PDZD7: variants seen among roughly 807,000 people sequenced by gnomAD.
PDZD7 encodes the protein PDZ domain-containing protein 7.
In PDZD7, 72 loss-of-function variants were observed where a neutral mutation model predicts 84.7. The observed-to-expected ratio is 0.85, with a 90% CI of 0.70 to 1.03. The LOEUF (loss-of-function observed/expected upper bound fraction) is 1.03. PDZD7 is among the 50% of genes least tolerant of loss of function. The pLI, the probability that PDZD7 is intolerant of heterozygous loss-of-function variation, is 0.00. For synonymous variants in PDZD7, 594 were observed against 580.7 expected (o/e 1.02, Z -0.33); for missense variants, 1,490 against 1,412.9 (o/e 1.05, Z -0.87).
rs908076975 is a variant in PDZD7 at position 101,020,395 on chromosome 10, C to T, written c.928+223G>A. Among the ~76,000 whole-genome samples, 4 of 152,212 alleles carry T rather than the reference C, an allele frequency of 2.6e-5. No homozygotes were observed. In the East Asian group the frequency reaches 5.8e-4, roughly 22 times the overall value. On this transcript the variant is annotated intron_variant, in intron 7 of 16. Transcript: ENST00000619208. ...TGCTGGGATTATAGGCGTGAGCCAT[C>T]GCGGCCGGCTTAAATTATTATTTGT...
intron 2 of PDZD7, 71 bp downstream of exon 2, chr10:101,029,923 C>T: frequency 1.3e-6 from 2 of 1,491,968 alleles, no homozygotes; most frequent in Admixed American, 1.7e-5. Flanking sequence ...TCTGCCTCCT[C>T]CTGCTGAGTT....
rs1286104512 is a variant in PDZD7 at position 101,008,169 on chromosome 10, C to A, written c.*298G>T. 2.2e-6 allele frequency: 1 copy of A among 453,404 alleles called. No individual in the cohort carries two copies. The highest frequency in any genetic ancestry group is 3.3e-5 in the East Asian group (1 of 30,384). The allele number at this position is 453,404 out of a possible 1,614,324, so 28.1% of individuals were successfully genotyped here. ...ATAAGGGACAGCATGTGAGAAAGTG[C>A]CCACCAATCCCAAGCTCCAGACCTT... On this transcript the variant is annotated 3_prime_UTR_variant, in exon 17 of 17. Transcript: ENST00000619208.
At chr10:101,030,652 A>T in intron 1 of PDZD7, 1 of 342,996 alleles carries the variant, frequency 2.9e-6, no homozygotes, top group Non-Finnish European at 5.7e-6. Context: ...GTAGAGGTTG[A>T]GAGTGGAGTT....
At chr10:101,008,871 C>T (rs1425980211) in intron 16 of PDZD7, 21 bp from the exon 17 acceptor site, 1 of 1,469,990 alleles carries the variant, frequency 6.8e-7, no homozygotes, top group South Asian at 1.4e-5. Context: ...GTGAGAGAGT[C>T]ACATCCCTCC....
intron 11 of PDZD7, 34 bp from the exon 12 acceptor site, chr10:101,012,292 TG>T: frequency 6.6e-7 from 1 of 1,515,244 alleles, no homozygotes. Context: ...CAGACAGCAG[TG>T]GGGGCTTCCA....
chr10:101,014,301 G>A (rs534381463), intron 11 of PDZD7, among the ~76,000 whole-genome samples: 4 of 152,166 alleles, frequency 2.6e-5, no homozygotes, highest in Admixed American at 6.5e-5. Context: ...GGGCTCCATC[G>A]CAGAGGGTCT....
intron 6 of PDZD7, 82 bp from the exon 7 acceptor site, chr10:101,020,760 G>A (rs1227786522): frequency 9.1e-6 from 9 of 990,088 alleles, no homozygotes; most frequent in South Asian, 6.5e-5. Context: ...TGACAGGATG[G>A]GAGTAAACTT....
Position 101,021,931 on chromosome 10 carries a change from C to A in PDZD7, c.734G>T (p.Gly245Val). 1 of 1,614,172 alleles carries A rather than the reference C, an allele frequency of 6.2e-7. No individual in the cohort carries two copies. The highest frequency in any genetic ancestry group is 1.1e-5 in the South Asian group (1 of 91,076). ...CTTGATGCCATTCTCCTCGGCCAGC[C>A]CACCATGGTCCACTCTGAGGCCAGA... The part of the protein sequence containing the change: ...GIYVSKVDHG[G>V]LAEENGIKVG... The change falls in exon 6 of 17, where the codon GGG becomes GTG. Residue 245 changes from glycine to valine, a missense_variant. Physicochemically the swap from Gly to Val is moderately radical, Grantham distance 109. Coordinates refer to ENST00000619208, the MANE Select transcript of PDZD7 (RefSeq NM_001195263.2).
chr10:101,008,762 C>T lies in PDZD7; in HGVS notation c.2807G>A (p.Arg936Gln), dbSNP rs963573075. The change falls in exon 17 of 17, where the codon CGA (arginine) becomes CAA (glutamine). Residue 936 changes from arginine (R) to glutamine (Q), a missense_variant. Coordinates refer to ENST00000619208, the MANE Select transcript of PDZD7 (RefSeq NM_001195263.2). ...CTCCATGGGCTCCCGGGCCTTGTTT[C>T]GATAAGCCCGACGGATGGTGTCTAC... The part of the protein sequence containing the change: ...RAVDTIRRAY[R>Q]NKAREPMELV... 1.4e-5 allele frequency: 22 copies of T among 1,535,550 alleles called. No individual in the cohort carries two copies. Among genetic ancestry groups the T allele is most frequent in the African/African-American group, 5.5e-5 (4 of 72,992 alleles).
chr10:101,019,542 G>GCCGCCTCCT (rs1852934224), intron 7 of PDZD7, among the ~76,000 whole-genome samples: 2 of 89,240 alleles, frequency 2.2e-5, no homozygotes, highest in Non-Finnish European at 5.9e-5. Context: ...TTCTGCTTCT[G>GCCGCCTCCT]CCTCCTCCTC....
intron 9 of PDZD7, among the ~76,000 whole-genome samples, chr10:101,016,874 C>T (rs572601091): frequency 2.0e-5 from 3 of 151,964 alleles, no homozygotes; most frequent in Non-Finnish European, 4.4e-5. Flanking sequence ...GCCAGGCAGC[C>T]GTAATTGGAA....
chr10:101,020,269 A>G (rs532577846), intron 7 of PDZD7, among the ~76,000 whole-genome samples: 226 of 152,014 alleles, frequency 1.5e-3, no homozygotes, highest in African/African-American at 5.0e-3. Context: ...CACCACGCCC[A>G]GCTACTTTGT....
rs1044414173 is a variant in PDZD7, at chr10:101,025,355, G to A, written c.227-1287C>T. Among the ~76,000 whole-genome samples the A allele has an allele frequency of 4.0e-5, 6 of 151,752 alleles. No individual in the cohort carries two copies. The East Asian group carries it at 9.8e-4, about 25-fold the overall frequency. The stretch of plus-strand genomic sequence containing the variant: ...CTCCCAAGTAGCTGGGATTACAGGC[G>A]TGTGCCACCACACCCGGCTAATTTT... On this transcript the variant is annotated intron_variant, in intron 2 of 16. Transcript: ENST00000619208.
At position 101,008,327 on chromosome 10, in the gene PDZD7, G is replaced by A; in HGVS notation, c.*140C>T. ...TGACAGCTGAGGAGGGAAGAAAGTG[G>A]AAAGATGTGAGCCACCAGTGTGGCA... On this transcript the variant is annotated 3_prime_UTR_variant, in exon 17 of 17. Coordinates refer to ENST00000619208, the MANE Select transcript of PDZD7 (RefSeq NM_001195263.2). The A allele has an allele frequency of 1.1e-6, 1 of 893,784 alleles. No individual in the cohort carries two copies. Among genetic ancestry groups the A allele is most frequent in the Non-Finnish European group, 1.7e-6 (1 of 605,492 alleles). The allele number at this position is 893,784 out of a possible 1,614,324, so 55.4% of individuals were successfully genotyped here.
chr10:101,013,002 C>T (rs1404180090), intron 11 of PDZD7, among the ~76,000 whole-genome samples: 2 of 152,186 alleles, frequency 1.3e-5, no homozygotes, highest in Non-Finnish European at 2.9e-5. Flanking sequence ...ATCGCCCCCT[C>T]GTGGCAAGAG....
chr10:101,030,148 G>A lies in PDZD7; in HGVS notation c.72C>T (p.Ser24=). The change falls in exon 2 of 17, where the codon TCC becomes TCT. Residue 24 remains serine (S), a synonymous_variant. Transcript: ENST00000619208. ...LGDLSSGSLS[S]LSSRGHLGSD... is the part of the protein sequence containing the mutation. ...TGCCTAGGTGGCCTCGGGAGGAGAG[G>A]GAGCTCAGAGAGCCGGAGCTCAGGT... 1 of 1,614,110 alleles carries A rather than the reference G, an allele frequency of 6.2e-7. No homozygotes were observed. The highest frequency in any genetic ancestry group is 8.5e-7 in the Non-Finnish European group (1 of 1,180,020).
intron 3 of PDZD7, 56 bp from the exon 4 acceptor site, chr10:101,023,666 C>T: frequency 6.3e-7 from 1 of 1,587,140 alleles, no homozygotes; most frequent in East Asian, 2.2e-5. Context: ...GCTGAGCCTC[C>T]CCCATCAGAT....
rs60121354 is a variant in PDZD7 at position 101,019,845 on chromosome 10, C to T, written c.929-628G>A. 6.3e-4 allele frequency among the ~76,000 whole-genome samples: 95 copies of T among 151,332 alleles called. 1 individual carries two copies. In the South Asian group the frequency reaches 0.019, roughly 30 times the overall value. On this transcript the variant is annotated intron_variant, in intron 7 of 16. Transcript: ENST00000619208. The stretch of plus-strand genomic sequence containing the variant: ...TTCATCATGTTGGCCAGGCTGGTCT[C>T]GAGCACCTGACCTCAGGTGATCCAC...
intron 6 of PDZD7, 29 bp downstream of exon 6, chr10:101,021,769 C>G: frequency 1.9e-6 from 3 of 1,614,186 alleles, no homozygotes; most frequent in Non-Finnish European, 2.5e-6. Flanking sequence ...TCTAGCCTCA[C>G]CTCTCCCTAC....
Sources: allele counts gnomAD v4.1 joint callset (sites outside exome capture counted in the v4.1 genomes callset), GRCh38; gene constraint gnomAD v4.1.1; transcripts MANE v1.5; gene names NCBI Gene and HGNC (gene_info 2026-07-23, HGNC 2026-07-21).